The following TAFA5 variants were observed in gnomAD, a reference collection of about 807,000 sequenced individuals.
TAFA5 encodes TAFA chemokine like family member 5.
Under a neutral mutation model 15.3 loss-of-function variants are expected in TAFA5, and 6 were observed. The ratio of observed to expected loss-of-function variants is 0.39; its 90% CI spans 0.21 to 0.77. TAFA5 has a LOEUF of 0.77. Among genes scored for constraint, TAFA5 ranks in the 30% least tolerant of loss-of-function variants. TAFA5 has a pLI of 0.41. For synonymous variants in TAFA5, 103 were observed against 80.7 expected (o/e 1.28, Z -1.48); for missense variants, 161 against 193.1 (o/e 0.83, Z 0.98).
chr22:48,548,607 G>C (rs922076495), intron 1 of TAFA5, among the ~76,000 whole-genome samples: 4 of 152,194 alleles, frequency 2.6e-5, no homozygotes, highest in Non-Finnish European at 5.9e-5. Flanking sequence ...CTCTCGGCAG[G>C]CTGGGCTCCA....
Position 48,489,766 on chromosome 22 carries a change from C to A in TAFA5, c.112+62C>A. ...CTGGGCCCCGGACCCCCTCCTCCGG[C>A]CCCGGCAGGCGCCCCGCGGGCCTCC... On this transcript the variant is annotated intron_variant, in intron 1 of 3. Transcript: ENST00000402357. The surrounding 1 kb of genome is among the most constrained non-coding windows in gnomAD (Gnocchi z 5.5). The A allele has an allele frequency of 9.3e-7, 1 of 1,073,968 alleles. No homozygotes were observed. The highest frequency in any genetic ancestry group is 1.2e-6 in the Non-Finnish European group (1 of 815,456). The allele number at this position is 1,073,968 out of a possible 1,614,324, so 66.5% of individuals were successfully genotyped here.
chr22:48,536,654 A>C (rs1922176419), intron 1 of TAFA5, among the ~76,000 whole-genome samples: 1 of 152,224 alleles, frequency 6.6e-6, no homozygotes, highest in Admixed American at 6.5e-5. Flanking sequence ...TGTCAACAGC[A>C]TGCCTGTCTT....
chr22:48,676,632 G>A (rs939433632), intron 2 of TAFA5, among the ~76,000 whole-genome samples: 4 of 152,224 alleles, frequency 2.6e-5, no homozygotes, highest in South Asian at 2.1e-4. Flanking sequence ...ACACAGGACT[G>A]CAACCCAGTT....
At chr22:48,606,983 C>A (rs1377862051) in intron 1 of TAFA5, among the ~76,000 whole-genome samples, 1 of 152,244 alleles carries the variant, frequency 6.6e-6, no homozygotes, top group Non-Finnish European at 1.5e-5. Context: ...TCCTGCATCA[C>A]TTTCACTGAT....
In TAFA5 at chr22:48,592,996, T is replaced by G. The variant is rs1200154065; in HGVS notation, c.113-53601T>G. ...TCCTGAGTCCTGGACCAGGGCCTCT[T>G]CAGAGCTAGCTGAGTGGGGCGGGGG... On this transcript the variant is annotated intron_variant, in intron 1 of 3. Coordinates refer to ENST00000402357, the MANE Select transcript of TAFA5 (RefSeq NM_001082967.3). 2.0e-5 allele frequency among the ~76,000 whole-genome samples: 3 copies of G among 151,978 alleles called. No individual in the cohort carries two copies. In the South Asian group the frequency reaches 6.2e-4, roughly 32 times the overall value.
At chr22:48,654,166 A>G (rs1927153582) in intron 2 of TAFA5, among the ~76,000 whole-genome samples, 1 of 152,034 alleles carries the variant, frequency 6.6e-6, no homozygotes, top group African/African-American at 2.4e-5. Context: ...CCCTTTCATA[A>G]GGGAGGCTCT....
intron 1 of TAFA5, among the ~76,000 whole-genome samples, chr22:48,542,446 T>G: frequency 6.3e-5 from 7 of 110,392 alleles, no homozygotes; most frequent in East Asian, 2.8e-4. Context: ...GTGTGTGTGG[T>G]GTATGTGCGG....
intron 1 of TAFA5, among the ~76,000 whole-genome samples, chr22:48,627,401 A>G (rs1318943878): frequency 1.3e-5 from 2 of 152,216 alleles, no homozygotes; most frequent in Non-Finnish European, 1.5e-5. Flanking sequence ...GGATGGAGAA[A>G]TGCGTCAGCA....
At chr22:48,622,950 G>A (rs116790512) in intron 1 of TAFA5, among the ~76,000 whole-genome samples, 1,823 of 152,350 alleles carry the variant, frequency 0.012, 39 homozygotes, top group African/African-American at 0.042. Flanking sequence ...CCCAATGCTC[G>A]CTTCCTTGTT....
intron 3 of TAFA5, among the ~76,000 whole-genome samples, chr22:48,712,662 C>T (rs563401327): frequency 2.0e-5 from 3 of 152,210 alleles, no homozygotes; most frequent in Middle Eastern, 3.2e-3. Flanking sequence ...ACCTTGTGGA[C>T]GTCCACCTGC....
intron 1 of TAFA5, among the ~76,000 whole-genome samples, chr22:48,639,407 T>C (rs1160182580): frequency 6.6e-6 from 1 of 152,244 alleles, no homozygotes; most frequent in Non-Finnish European, 1.5e-5. Context: ...ATATTCATCC[T>C]GTCATCCGTC....
chr22:48,494,423 G>A (rs1423966775), intron 1 of TAFA5, among the ~76,000 whole-genome samples: 27 of 152,338 alleles, frequency 1.8e-4, no homozygotes, highest in Non-Finnish European at 1.5e-5. Context: ...AGATGGACAA[G>A]GAGGACCAGA....
At chr22:48,694,983 C>T (rs913075511) in intron 2 of TAFA5, among the ~76,000 whole-genome samples, 13 of 151,798 alleles carry the variant, frequency 8.6e-5, no homozygotes, top group African/African-American at 2.9e-4. Flanking sequence ...GAGCTTCAAA[C>T]GTGCCCTGCA....
chr22:48,713,402 A>G (rs183711357), intron 3 of TAFA5, among the ~76,000 whole-genome samples: 1 of 152,200 alleles, frequency 6.6e-6, no homozygotes. Flanking sequence ...ACAAGAGGAC[A>G]CTGAGGTCTC....
chr22:48,496,455 C>T (rs954775438), intron 1 of TAFA5, among the ~76,000 whole-genome samples: 1 of 152,188 alleles, frequency 6.6e-6, no homozygotes, highest in Admixed American at 6.5e-5. Context: ...AACCTCCCAG[C>T]TCTCAGTGGG....
chr22:48,555,558 C>T (rs193214459), intron 1 of TAFA5, among the ~76,000 whole-genome samples: 1 of 152,284 alleles, frequency 6.6e-6, no homozygotes, highest in Admixed American at 6.5e-5. Context: ...GAGAGGGAGA[C>T]AAGGCAAAAA....
chr22:48,696,448 C>T (rs1403334536), intron 2 of TAFA5, among the ~76,000 whole-genome samples: 1 of 152,150 alleles, frequency 6.6e-6, no homozygotes, highest in Non-Finnish European at 1.5e-5. Context: ...CTTTGAGGGG[C>T]CCCTGAGTGC....
intron 1 of TAFA5, among the ~76,000 whole-genome samples, chr22:48,575,662 G>A (rs1416355342): frequency 6.9e-6 from 1 of 145,968 alleles, no homozygotes; most frequent in Middle Eastern, 3.3e-3. Flanking sequence ...GGCGCGGTGG[G>A]CCCGGACCTA....
intron 1 of TAFA5, among the ~76,000 whole-genome samples, chr22:48,584,177 ACACCACT>A (rs1171085678): frequency 6.0e-5 from 9 of 150,804 alleles, no homozygotes; most frequent in Middle Eastern, 3.5e-3. Context: ...CACACACCAC[ACACCACT>A]CACCACACAA....
Sources: gnomAD v4.1 joint callset for allele counts (sites outside exome capture counted in the v4.1 genomes callset) on GRCh38, gnomAD v4.1.1 for gene constraint, Gnocchi (gnomAD v3.1) non-coding constraint, MANE v1.5 for transcripts, NCBI Gene and HGNC (gene_info 2026-07-23, HGNC 2026-07-21) for gene names.